The following CTNND2 variants were observed in gnomAD, a reference collection of about 807,000 sequenced individuals.
CTNND2 encodes catenin delta-2.
Under a neutral mutation model 144.4 loss-of-function variants are expected in CTNND2, and 22 were observed. The ratio of observed to expected loss-of-function variants is 0.15; its 90% CI spans 0.11 to 0.22. CTNND2 has a LOEUF of 0.22. Among genes scored for constraint, CTNND2 ranks in the 10% least tolerant of loss-of-function variants. The probability of loss-of-function intolerance (pLI) is 1.00; values close to 1 mark genes in which losing one functional copy is unlikely to be tolerated. For missense variants in CTNND2, 1,353 were observed against 1,618.8 expected (o/e 0.84, Z 2.82); for synonymous variants, 751 against 695.6 (o/e 1.08, Z -1.25).
intron 1 of CTNND2, among the ~76,000 whole-genome samples, chr5:11,825,106 G>T (rs550000166): frequency 6.6e-6 from 1 of 150,940 alleles, no homozygotes; most frequent in African/African-American, 2.4e-5. Flanking sequence ...AACTCAAAAA[G>T]AAAAAAAACT....
rs770662415 is a variant in CTNND2 at position 11,117,543 on chromosome 5, C to T, written c.2184G>A (p.Glu728=). 6.8e-6 allele frequency: 11 copies of T among 1,614,012 alleles called. No homozygotes were observed. Among genetic ancestry groups the T allele is most frequent in the Non-Finnish European group, 9.3e-6 (11 of 1,180,004 alleles). ...CLRNVSSAGE[E]ARRRMRECDG... is the part of the protein sequence containing the mutation. Reference sequence around the variant, plus strand: ...CACACTCTCTCATCCTTCTGCGGGCCTCCTCTCCGGCCGAACTAACATTCC... The same window carrying T: ...CACACTCTCTCATCCTTCTGCGGGCTTCCTCTCCGGCCGAACTAACATTCC... The change falls in exon 13 of 22, where the codon GAG becomes GAA. Residue 728 remains glutamate (E), a synonymous_variant. Coordinates refer to ENST00000304623, the MANE Select transcript of CTNND2 (RefSeq NM_001332.4).
rs551749945 is a variant in CTNND2 at position 11,617,552 on chromosome 5, G to A, written c.175-52496C>T. ...TTACTTAACAAACATTTACTGAGCA[G>A]CTATTATTCTAAGCTCATTGTTAGG... On this transcript the variant is annotated intron_variant, in intron 2 of 21. Coordinates refer to ENST00000304623, the MANE Select transcript of CTNND2 (RefSeq NM_001332.4). 3.9e-5 allele frequency among the ~76,000 whole-genome samples: 6 copies of A among 152,282 alleles called. No homozygotes were observed. The South Asian group carries it at 1.0e-3, about 26-fold the overall frequency.
chr5:11,693,868 C>G (rs1432187495), intron 2 of CTNND2, among the ~76,000 whole-genome samples: 1 of 152,222 alleles, frequency 6.6e-6, no homozygotes, highest in Admixed American at 6.5e-5. Context: ...TAAGTTCCTG[C>G]AAGCCTTTGG....
At chr5:11,321,890 T>A (rs929152502) in intron 9 of CTNND2, among the ~76,000 whole-genome samples, 4 of 152,078 alleles carry the variant, frequency 2.6e-5, no homozygotes, top group Non-Finnish European at 4.4e-5. Context: ...CTTAACCCTA[T>A]CTCCCCACTC....
intron 18 of CTNND2, among the ~76,000 whole-genome samples, chr5:11,015,868 A>AT (rs1158627340): frequency 6.6e-6 from 1 of 152,182 alleles, no homozygotes; most frequent in Admixed American, 6.5e-5. Context: ...GCGAGACTTC[A>AT]TTTGCCTCCT....
At chr5:11,395,381 A>C (rs1214167243) in intron 6 of CTNND2, among the ~76,000 whole-genome samples, 1 of 152,222 alleles carries the variant, frequency 6.6e-6, no homozygotes, top group Non-Finnish European at 1.5e-5. Flanking sequence ...TAGTAGAGTG[A>C]ATTAGAACAT....
At chr5:11,877,556 G>A (rs1490857477) in intron 1 of CTNND2, among the ~76,000 whole-genome samples, 6 of 151,148 alleles carry the variant, frequency 4.0e-5, no homozygotes, top group Non-Finnish European at 8.8e-5. Context: ...TTTTTAAGCT[G>A]TGTTACCAAT....
intron 2 of CTNND2, among the ~76,000 whole-genome samples, chr5:11,580,368 A>G (rs1264015366): frequency 6.6e-6 from 1 of 152,230 alleles, no homozygotes; most frequent in East Asian, 1.9e-4. Context: ...TATGGGAATA[A>G]TCTAACTTTC....
intron 2 of CTNND2, among the ~76,000 whole-genome samples, chr5:11,665,476 A>G (rs1265470596): frequency 6.6e-6 from 1 of 152,118 alleles, no homozygotes; most frequent in Admixed American, 6.6e-5. Flanking sequence ...CACAACCACA[A>G]TGTTATCATC....
intron 1 of CTNND2, among the ~76,000 whole-genome samples, chr5:11,785,020 T>C (rs1299859548): frequency 6.6e-6 from 1 of 152,238 alleles, no homozygotes; most frequent in African/African-American, 2.4e-5. Context: ...AGTTTTCTTC[T>C]ATTGTTCTTG....
At chr5:11,487,763 T>C (rs183217063) in intron 3 of CTNND2, among the ~76,000 whole-genome samples, 165 of 152,362 alleles carry the variant, frequency 1.1e-3, no homozygotes, top group African/African-American at 3.7e-3. Context: ...AATACTATAA[T>C]GTGTTACTTT....
At chr5:11,476,148 G>C (rs1230362538) in intron 3 of CTNND2, among the ~76,000 whole-genome samples, 1 of 151,746 alleles carries the variant, frequency 6.6e-6, no homozygotes, top group Non-Finnish European at 1.5e-5. Context: ...TGGGATTACA[G>C]GTATGAACCA....
intron 9 of CTNND2, among the ~76,000 whole-genome samples, chr5:11,252,989 T>C (rs971111203): frequency 4.6e-5 from 7 of 152,198 alleles, no homozygotes; most frequent in Non-Finnish European, 2.9e-5. Flanking sequence ...TGCTGACTTT[T>C]ATAAAGCAAT....
chr5:11,765,403 A>G lies in CTNND2; in HGVS notation c.38-33131T>C, dbSNP rs146726283. Among the ~76,000 whole-genome samples, 1,430 of 152,270 alleles carry G rather than the reference A, an allele frequency of 9.4e-3. 33 individuals are homozygous for G. Among genetic ancestry groups the G allele is most frequent in the African/African-American group, 0.032 (1,340 of 41,558 alleles). On this transcript the variant is annotated intron_variant, in intron 1 of 21. Coordinates refer to ENST00000304623, the MANE Select transcript of CTNND2 (RefSeq NM_001332.4). ...ACACACAGCAAGGTTCCAGGCTGCC[A>G]GGTGGATCAGAGAAGGGGAGCAAAG... is the stretch of plus-strand genomic sequence containing the variant.
chr5:11,397,391 ATTTTTTTT>A (rs67303549), intron 5 of CTNND2, among the ~76,000 whole-genome samples, 188 bp from the exon 6 acceptor site: 1 of 149,358 alleles, frequency 6.7e-6, no homozygotes, highest in Non-Finnish European at 1.5e-5. Flanking sequence ...TTTATTTTTT[ATTTTTTTT>A]TTGGTGGTGG....
At chr5:11,588,829 C>A in intron 2 of CTNND2, 1 of 985,394 alleles carries the variant, frequency 1.0e-6, no homozygotes, top group South Asian at 4.7e-5. Context: ...AAGGGTTACT[C>A]TTCCCTCCTT....
chr5:11,894,938 G>C (rs914616578), intron 1 of CTNND2, among the ~76,000 whole-genome samples: 1 of 152,182 alleles, frequency 6.6e-6, no homozygotes. Context: ...CCTATGATTT[G>C]TGGATCAATT....
chr5:11,129,116 ATATATAATATATATT>A (rs1755173779), intron 12 of CTNND2, among the ~76,000 whole-genome samples: 4 of 20,734 alleles, frequency 1.9e-4, no homozygotes, highest in Non-Finnish European at 2.9e-4. Flanking sequence ...TATATATATT[ATATATAATATATATT>A]TATATATATT....
In CTNND2 at chr5:11,135,833, C is replaced by T. The variant is rs557687811; in HGVS notation, c.2160-18266G>A. Among the ~76,000 whole-genome samples the T allele has an allele frequency of 3.3e-5, 5 of 152,318 alleles. No individual in the cohort carries two copies. In the South Asian group the frequency reaches 1.0e-3, roughly 32 times the overall value. On this transcript the variant is annotated intron_variant, in intron 12 of 21. Transcript: ENST00000304623. ...GCGAGATGCAGTGGGCTGTGGGTTA[C>T]ATGAAGTTGCAAACAAGCTAGCCAC... is the stretch of plus-strand genomic sequence containing the variant.
Sources: allele counts gnomAD v4.1 joint callset (sites outside exome capture counted in the v4.1 genomes callset), GRCh38; gene constraint gnomAD v4.1.1; transcripts MANE v1.5; gene names NCBI Gene and HGNC (gene_info 2026-07-23, HGNC 2026-07-21).